Variants in TREML2 observed in about 807,000 individuals in gnomAD.
The protein encoded by TREML2 is trem-like transcript 2 protein.
TREML2 carries 24 observed loss-of-function variants against 25.9 expected under a neutral mutation model. The ratio of observed to expected loss-of-function variants is 0.93; its 90% confidence interval spans 0.67 to 1.30. TREML2 has a LOEUF of 1.30. Among genes scored for constraint, TREML2 ranks in the 50% most tolerant of loss-of-function variants. The probability of loss-of-function intolerance (pLI) is 0.00; values close to 1 mark genes in which losing one functional copy is unlikely to be tolerated. For synonymous variants in TREML2, 139 were observed against 155.2 expected (o/e 0.90, Z 0.77); for missense variants, 359 against 395.6 (o/e 0.91, Z 0.78).
At chr6:41,197,818 G>T (rs1766195921) in intron 2 of TREML2, among the ~76,000 whole-genome samples, 1 of 152,182 alleles carries the variant, frequency 6.6e-6, no homozygotes, top group South Asian at 2.1e-4. Context: ...TTGAAGCAAT[G>T]AGTGAATAAA....
At chr6:41,196,719 C>T (rs1439513354) in intron 2 of TREML2, among the ~76,000 whole-genome samples, 1 of 152,142 alleles carries the variant, frequency 6.6e-6, no homozygotes, top group Admixed American at 6.5e-5. Flanking sequence ...TCCCCCAGCC[C>T]TAAGCAACCA....
chr6:41,192,928 G>A lies in TREML2; in HGVS notation c.786-27C>T, dbSNP rs764880273. ...TGAGAAGAAGGGACAGGGTGGAAGC[G>A]GGTGAGCACCAAGGTCCCCCATCCT... On this transcript the variant is annotated intron_variant, in intron 3 of 4. Coordinates refer to ENST00000483722, the MANE Select transcript of TREML2 (RefSeq NM_024807.4). 14 of 1,521,534 alleles carry A rather than the reference G, an allele frequency of 9.2e-6. No individual in the cohort carries two copies. The East Asian group carries it at 1.2e-4, about 13-fold the overall frequency. 94.3% of individuals were successfully genotyped at this position (1,521,534 alleles called of 1,614,324 possible). A position where few individuals can be genotyped will look rare whatever the true frequency, so the allele number is the denominator to read the frequency against.
At position 41,198,159 on chromosome 6, in the gene TREML2, G is replaced by T. The variant is rs1315593731; in HGVS notation, c.326C>A (p.Thr109Asn). Residue 109 changes from threonine (T) to asparagine (N), a missense_variant, in exon 2 of 5, where the codon ACC becomes AAC. Physicochemically the swap from Thr to Asn is moderately conservative, Grantham distance 65 (BLOSUM62 0). Coordinates refer to ENST00000483722, the MANE Select transcript of TREML2 (RefSeq NM_024807.4). ...CATCAAGGGGTACAGGATCCCAGAG[G>T]TGTTGCGCATGCACCAGTATCGGCC... ...DSGRYWCMRNTSGILYPLMGF... is the reference protein window; with the variant it reads ...DSGRYWCMRNNSGILYPLMGF... 2 of 1,613,284 alleles carry T rather than the reference G, an allele frequency of 1.2e-6. No homozygotes were observed. The highest frequency in any genetic ancestry group is 1.3e-5 in the African/African-American group (1 of 74,928).
intron 3 of TREML2, 31 bp downstream of exon 3, chr6:41,194,394 G>A (rs1367972017): frequency 1.3e-6 from 2 of 1,512,576 alleles, no homozygotes; most frequent in African/African-American, 2.8e-5. Flanking sequence ...ACTAAGTGCT[G>A]GTGCCACTCA....
chr6:41,193,977 C>T (rs1766111223), intron 3 of TREML2, among the ~76,000 whole-genome samples: 1 of 140,374 alleles, frequency 7.1e-6, no homozygotes, highest in Admixed American at 7.1e-5. Flanking sequence ...CTGCAACCCT[C>T]ATCTCCCCCT....
intron 4 of TREML2, 34 bp downstream of exon 4, chr6:41,192,767 G>C: frequency 1.3e-6 from 2 of 1,579,026 alleles, no homozygotes; most frequent in Non-Finnish European, 1.7e-6. Flanking sequence ...CCAGAGCTCT[G>C]CCCTCAGGAG....
chr6:41,197,250 G>A (rs906779081), intron 2 of TREML2, among the ~76,000 whole-genome samples: 1 of 152,120 alleles, frequency 6.6e-6, no homozygotes, highest in Non-Finnish European at 1.5e-5. Flanking sequence ...TCAACAAGTG[G>A]CCACTACATT....
intron 2 of TREML2, 96 bp downstream of exon 2, chr6:41,198,013 C>T (rs371584922): frequency 3.0e-4 from 378 of 1,263,008 alleles, no homozygotes; most frequent in African/African-American, 2.0e-3. Context: ...AACATGACCA[C>T]TGATGGATTA....
In TREML2 at chr6:41,200,962, C is replaced by A. The variant is rs750032255; in HGVS notation, c.47G>T (p.Cys16Phe). ...LLLLLLWPQG[C>F]VSGPSADSVY... is the part of the protein sequence containing the mutation. ...GCCCCTTCTCCCCTCACCTGAGACGCAACCCTGTGGCCACAGCAGCAGCAG... is the reference window on the plus strand; with the variant it reads ...GCCCCTTCTCCCCTCACCTGAGACGAAACCCTGTGGCCACAGCAGCAGCAG... The change falls in exon 1 of 5, where the codon TGC (cysteine) becomes TTC (phenylalanine). Residue 16 changes from cysteine (C) to phenylalanine (F), a missense_variant. Coordinates refer to ENST00000483722, the MANE Select transcript of TREML2 (RefSeq NM_024807.4). 4.5e-6 allele frequency: 7 copies of A among 1,569,672 alleles called. No homozygotes were observed. In the Admixed American group the frequency reaches 1.1e-4, roughly 25 times the overall value.
chr6:41,198,503 T>C, intron 1 of TREML2, 74 bp from the exon 2 acceptor site: 2 of 1,437,918 alleles, frequency 1.4e-6, no homozygotes, highest in East Asian at 2.3e-5. Flanking sequence ...TTGAAGATCA[T>C]GGTGAAGGGT....
In TREML2 at chr6:41,198,544, C is replaced by T. The variant is rs1482471843; in HGVS notation, c.56-115G>A. On this transcript the variant is annotated intron_variant, in intron 1 of 4. Transcript: ENST00000483722. ...GGATATTGTCCTGCTGTCACAGAAC[C>T]CACAGATTGAGGGGGAAATACAGCC... 3 of 1,165,464 alleles carry T rather than the reference C, an allele frequency of 2.6e-6. No individual in the cohort carries two copies. The African/African-American group carries it at 4.6e-5, about 18-fold the overall frequency. The allele number at this position is 1,165,464 out of a possible 1,614,324, so 72.2% of individuals were successfully genotyped here. A position where few individuals can be genotyped will look rare whatever the true frequency, so the allele number is the denominator to read the frequency against.
rs1197686135 is a variant in TREML2, at chr6:41,198,445, T to A, written c.56-16A>T. On this transcript the variant is annotated splice_polypyrimidine_tract_variant and intron_variant, in intron 1 of 4. Transcript: ENST00000483722. ...GCAGAGGGGCCTGTGGAGACAATAC[T>A]TATTGAATAAGGTCTGGCAAGAGGA... 3.1e-6 allele frequency: 5 copies of A among 1,594,562 alleles called. No homozygotes were observed. In the East Asian group the frequency reaches 1.1e-4, roughly 36 times the overall value.
In TREML2 at chr6:41,191,366, G is replaced by A. The variant is rs1239940499; in HGVS notation, c.*1061C>T. The A allele has an allele frequency of 6.6e-6, 1 of 152,316 alleles. No individual in the cohort carries two copies. The highest frequency in any genetic ancestry group is 2.4e-5 in the African/African-American group (1 of 41,402). The allele number at this position is 152,316 out of a possible 1,614,324, so 9.4% of individuals were successfully genotyped here. ...TTGGGTCCCTGGCCAGAGGCTACTTGGGCTCCATTTTCCCTGTCCCCCTGC... is the reference window on the plus strand; with the variant it reads ...TTGGGTCCCTGGCCAGAGGCTACTTAGGCTCCATTTTCCCTGTCCCCCTGC... On this transcript the variant is annotated 3_prime_UTR_variant, in exon 5 of 5. Coordinates refer to ENST00000483722, the MANE Select transcript of TREML2 (RefSeq NM_024807.4).
Position 41,198,261 on chromosome 6 carries a change from GGCCCTTT to G in TREML2, c.217_223del (p.Lys73ProfsTer42), listed in dbSNP as rs1424616066. 1 of 1,614,098 alleles carries G rather than the reference GGCCCTTT, an allele frequency of 6.2e-7. No homozygotes were observed. The highest frequency in any genetic ancestry group is 8.5e-7 in the Non-Finnish European group (1 of 1,180,050). ...GGCATCGTCCTGCAGCAAGTAGCGG[GGCCCTTT>G]CACCCAGACTCGGGCAAAGCCAGGC... On this transcript the variant is annotated frameshift_variant, in exon 2 of 5. Transcript: ENST00000483722. LOFTEE classifies it high-confidence loss of function.
chr6:41,199,927 T>C (rs1011395608), intron 1 of TREML2, among the ~76,000 whole-genome samples: 11 of 152,212 alleles, frequency 7.2e-5, no homozygotes, highest in Non-Finnish European at 1.0e-4. Context: ...CCCTCACAGG[T>C]TGCTGTGAGA....
intron 2 of TREML2, 66 bp downstream of exon 2, chr6:41,198,043 T>C: frequency 7.1e-7 from 1 of 1,409,418 alleles, no homozygotes; most frequent in Non-Finnish European, 9.6e-7. Context: ...TTATCTCTGA[T>C]GTTAGTGGAG....
chr6:41,199,188 C>T (rs1330582153), intron 1 of TREML2, among the ~76,000 whole-genome samples: 2 of 152,112 alleles, frequency 1.3e-5, no homozygotes, highest in Non-Finnish European at 2.9e-5. Context: ...TGGGAAAAAC[C>T]CAGGTCATGC....
rs766941684 is a variant in TREML2, at chr6:41,192,879, CA to C, written c.807del (p.Val270CysfsTer6). On this transcript the variant is annotated frameshift_variant, in exon 4 of 5. Coordinates refer to ENST00000483722, the MANE Select transcript of TREML2 (RefSeq NM_024807.4). LOFTEE classifies it high-confidence loss of function. The stretch of plus-strand genomic sequence containing the variant: ...AGGAGGGTCAGCACCACCCCAAGCA[CA>C]GTGGAGTAAACATCCTGGTGCCTGA... ...PSIRHQDVYS[T>X]VLGVVLTLLV... 24 of 1,588,616 alleles carry C rather than the reference CA, an allele frequency of 1.5e-5. No individual in the cohort carries two copies. The highest frequency in any genetic ancestry group is 4.3e-6 in the Non-Finnish European group (5 of 1,168,720).
intron 1 of TREML2, among the ~76,000 whole-genome samples, 171 bp from the exon 2 acceptor site, chr6:41,198,600 G>A (rs1277958140): frequency 6.6e-6 from 1 of 152,220 alleles, no homozygotes; most frequent in Non-Finnish European, 1.5e-5. Flanking sequence ...CCAATCTGAA[G>A]GGAGGTGAAT....
Sources: gnomAD v4.1 joint callset for allele counts (sites outside exome capture counted in the v4.1 genomes callset) on GRCh38, gnomAD v4.1.1 for gene constraint, MANE v1.5 for transcripts, NCBI Gene and HGNC (gene_info 2026-07-23, HGNC 2026-07-21) for gene names.